The following PRKN variants were observed in gnomAD, a reference collection of about 807,000 sequenced individuals.
PRKN encodes the protein E3 ubiquitin-protein ligase parkin.
PRKN carries 56 observed loss-of-function variants against 59.5 expected under a neutral mutation model. The ratio of observed to expected loss-of-function variants is 0.94; its 90% CI spans 0.76 to 1.18. The LOEUF is 1.18. Ranked by LOEUF, PRKN falls within the 50% of genes most tolerant of loss-of-function variation. The pLI, the probability that PRKN is intolerant of heterozygous loss-of-function variation, is 0.00. For synonymous variants in PRKN, 250 were observed against 222.1 expected, an observed-to-expected ratio of 1.13 and a Z score of -1.12; for missense variants, 657 against 596.4, an observed-to-expected ratio of 1.10 and a Z score of -1.06.
intron 1 of PRKN, among the ~76,000 whole-genome samples, chr6:162,657,606 G>T (rs1238081444): frequency 6.6e-6 from 1 of 152,124 alleles, no homozygotes; most frequent in Admixed American, 6.6e-5. Context: ...AGTTGTTTTT[G>T]CCATATTTTC....
At chr6:162,166,396 C>T (rs916448321) in intron 4 of PRKN, among the ~76,000 whole-genome samples, 1 of 152,138 alleles carries the variant, frequency 6.6e-6, no homozygotes, top group Non-Finnish European at 1.5e-5. Context: ...GGGCTTGGAA[C>T]TGACCAGGAA....
At chr6:162,265,529 A>G (rs1477372430) in intron 2 of PRKN, among the ~76,000 whole-genome samples, 1 of 152,164 alleles carries the variant, frequency 6.6e-6, no homozygotes, top group African/African-American at 2.4e-5. Flanking sequence ...CGTCTGTACT[A>G]AAAAGATAAA....
chr6:162,534,830 G>A (rs1412493794), intron 1 of PRKN, among the ~76,000 whole-genome samples: 1 of 152,064 alleles, frequency 6.6e-6, no homozygotes, highest in African/African-American at 2.4e-5. Context: ...TGCACTTTCC[G>A]CTTCCCAAAT....
chr6:161,433,745 T>C (rs1788755122), intron 9 of PRKN, among the ~76,000 whole-genome samples: 1 of 152,056 alleles, frequency 6.6e-6, no homozygotes, highest in Non-Finnish European at 1.5e-5. Context: ...GGCTGAGCAC[T>C]GTGGCTGTCA....
At chr6:162,255,077 A>AAAAATAAAAT (rs200687735) in intron 3 of PRKN, among the ~76,000 whole-genome samples, 9,961 of 138,298 alleles carry the variant, frequency 0.072, 433 homozygotes, top group South Asian at 0.11. Context: ...AGATTCATAC[A>AAAAATAAAAT]AAAATAAAAT....
chr6:162,662,154 G>C (rs913189195), intron 1 of PRKN, among the ~76,000 whole-genome samples: 2 of 151,580 alleles, frequency 1.3e-5, no homozygotes, highest in African/African-American at 4.8e-5. Flanking sequence ...TTGCTGGATC[G>C]AATGATAGTT....
chr6:161,523,184 A>G (rs1037678926), intron 9 of PRKN, among the ~76,000 whole-genome samples: 4 of 152,190 alleles, frequency 2.6e-5, no homozygotes, highest in African/African-American at 9.7e-5. Flanking sequence ...TGCTAAGATA[A>G]TTTATGCTAG....
At chr6:161,455,002 T>C (rs2115137312) in intron 9 of PRKN, among the ~76,000 whole-genome samples, 1 of 152,286 alleles carries the variant, frequency 6.6e-6, no homozygotes, top group East Asian at 1.9e-4. Context: ...CATAGACTTC[T>C]TGAGACGATG....
chr6:162,065,745 A>G (rs1778311940), intron 4 of PRKN, among the ~76,000 whole-genome samples: 1 of 151,958 alleles, frequency 6.6e-6, no homozygotes, highest in African/African-American at 2.4e-5. Flanking sequence ...GGCAGGCCCC[A>G]GTATGTGATG....
chr6:161,686,436 T>C (rs1583004664), intron 7 of PRKN, among the ~76,000 whole-genome samples: 1 of 152,232 alleles, frequency 6.6e-6, no homozygotes, highest in Non-Finnish European at 1.5e-5. Context: ...AAAAATTACA[T>C]ACACACTATA....
At chr6:162,389,773 G>A (rs1787065577) in intron 2 of PRKN, among the ~76,000 whole-genome samples, 1 of 152,204 alleles carries the variant, frequency 6.6e-6, no homozygotes, top group African/African-American at 2.4e-5. Flanking sequence ...TTCAAACACA[G>A]GCCTAGTGGA....
intron 3 of PRKN, among the ~76,000 whole-genome samples, chr6:162,219,172 CAG>C (rs1228924166): frequency 6.6e-6 from 1 of 152,106 alleles, no homozygotes; most frequent in Non-Finnish European, 1.5e-5. Flanking sequence ...GCCTGGGTAA[CAG>C]AGAGAGTTCT....
chr6:162,158,823 A>G (rs2849598), intron 4 of PRKN, among the ~76,000 whole-genome samples: 12,454 of 151,892 alleles, frequency 0.082, 998 homozygotes, highest in East Asian at 0.4. Flanking sequence ...TGGGACTATT[A>G]TAGGCTTCAA....
At chr6:162,590,166 T>C (rs1391633246) in intron 1 of PRKN, among the ~76,000 whole-genome samples, 2 of 152,194 alleles carry the variant, frequency 1.3e-5, no homozygotes, top group Non-Finnish European at 2.9e-5. Flanking sequence ...ATTTATATGT[T>C]TTTAATAGCA....
At chr6:161,974,599 C>T (rs1780954045) in intron 5 of PRKN, among the ~76,000 whole-genome samples, 1 of 152,074 alleles carries the variant, frequency 6.6e-6, no homozygotes, top group South Asian at 2.1e-4. Flanking sequence ...CCAGCAATTG[C>T]TTTACTTCTT....
chr6:161,712,785 G>GAAAACA (rs369052586), intron 7 of PRKN, among the ~76,000 whole-genome samples: 8,026 of 151,864 alleles, frequency 0.053, 328 homozygotes, highest in African/African-American at 0.12. Flanking sequence ...CTGGAATAAG[G>GAAAACA]AAAACAAAAA....
chr6:162,501,498 C>T (rs1486303611), intron 1 of PRKN, among the ~76,000 whole-genome samples: 2 of 149,962 alleles, frequency 1.3e-5, no homozygotes, highest in African/African-American at 2.5e-5. Flanking sequence ...CAGGCATGTG[C>T]CACCACGCCT....
At chr6:162,612,322 C>G (rs539222053) in intron 1 of PRKN, among the ~76,000 whole-genome samples, 18 of 151,612 alleles carry the variant, frequency 1.2e-4, no homozygotes, top group Non-Finnish European at 2.1e-4. Flanking sequence ...TTCAAAAGAC[C>G]ATCTAGTCAG....
chr6:161,572,660 CAATA>C (rs10674600), intron 7 of PRKN, among the ~76,000 whole-genome samples: 12 of 149,916 alleles, frequency 8.0e-5, no homozygotes, highest in East Asian at 4.0e-4. Context: ...GACTCTGTCT[CAATA>C]AATAAATAAA....
Sources: allele counts gnomAD v4.1 joint callset (sites outside exome capture counted in the v4.1 genomes callset), GRCh38; gene constraint gnomAD v4.1.1; transcripts MANE v1.5; gene names NCBI Gene and HGNC (gene_info 2026-07-23, HGNC 2026-07-21).